The following RAB3B variants were observed in gnomAD, a reference collection of about 807,000 sequenced individuals.
RAB3B encodes ras-related protein Rab-3B.
RAB3B carries 11 observed loss-of-function variants against 20.5 expected under a neutral mutation model. The ratio of observed to expected loss-of-function variants is 0.54; its 90% CI spans 0.34 to 0.89. The LOEUF is 0.89. Ranked by LOEUF, RAB3B falls within the 40% of genes least tolerant of loss-of-function variation. The pLI is 0.02. For synonymous variants in RAB3B, 99 were observed against 106.3 expected (o/e 0.93, Z 0.42); for missense variants, 225 against 280.9 (o/e 0.80, Z 1.42).
chr1:51,937,274 A>G lies in RAB3B; in HGVS notation c.347+20T>C. On this transcript the variant is annotated intron_variant, in intron 3 of 4. Transcript: ENST00000371655. ...TAATGAACAGTTTGTTAAATGAATG[A>G]ATGAATATGGGTCTCATACCAGTCT... The G allele has an allele frequency of 3.3e-6, 5 of 1,537,682 alleles. No homozygotes were observed. The highest frequency in any genetic ancestry group is 4.5e-6 in the Non-Finnish European group (5 of 1,113,070).
intron 2 of RAB3B, among the ~76,000 whole-genome samples, chr1:51,963,295 G>A (rs1456454614): frequency 6.6e-6 from 1 of 152,030 alleles, no homozygotes; most frequent in Non-Finnish European, 1.5e-5. Flanking sequence ...CCTTTTCACT[G>A]TCCTTCATCC....
rs188938165 is a variant in RAB3B at position 51,959,870 on chromosome 1, T to C, written c.228+17020A>G. On this transcript the variant is annotated intron_variant, in intron 2 of 4. Coordinates refer to ENST00000371655, the MANE Select transcript of RAB3B (RefSeq NM_002867.4). ...TACTATCTTTGCAATTCTGTAAATC[T>C]GAAACTGTTCTAAAAAATAAAGGTT... is the stretch of plus-strand genomic sequence containing the variant. Among the ~76,000 whole-genome samples, 4 of 152,342 alleles carry C rather than the reference T, an allele frequency of 2.6e-5. No homozygotes were observed. The East Asian group carries it at 5.8e-4, about 22-fold the overall frequency.
chr1:51,937,110 G>A (rs1419927473), intron 3 of RAB3B, among the ~76,000 whole-genome samples, 184 bp downstream of exon 3: 1 of 151,910 alleles, frequency 6.6e-6, no homozygotes, highest in Non-Finnish European at 1.5e-5. Flanking sequence ...CACTGCACCC[G>A]GCCTATCACA....
chr1:51,979,633 G>A (rs1303189413), intron 1 of RAB3B, among the ~76,000 whole-genome samples: 5 of 151,992 alleles, frequency 3.3e-5, no homozygotes, highest in East Asian at 1.9e-4. Context: ...ACCATCCTCC[G>A]CTCTGCTGCC....
intron 2 of RAB3B, among the ~76,000 whole-genome samples, chr1:51,967,996 T>C (rs1684879693): frequency 6.6e-6 from 1 of 152,222 alleles, no homozygotes; most frequent in South Asian, 2.1e-4. Context: ...GGGCCCATTA[T>C]AATCACAAGT....
chr1:51,934,740 C>T (rs1343349730), intron 3 of RAB3B, among the ~76,000 whole-genome samples: 1 of 123,730 alleles, frequency 8.1e-6, no homozygotes, highest in African/African-American at 3.1e-5. Flanking sequence ...CGCATCACTA[C>T]ACTCCAGCCT....
chr1:51,909,067 G>C lies in RAB3B; in HGVS notation c.*10860C>G, dbSNP rs564567450. ...TCTGTTCATCCAGGCCCAGCATGTA[G>C]TGGCTGATTCTTCTTGGCTGCTTTT... On this transcript the variant is annotated 3_prime_UTR_variant, in exon 5 of 5. Transcript: ENST00000371655. 5 of 152,492 alleles carry C rather than the reference G, an allele frequency of 3.3e-5. No individual in the cohort carries two copies. Among genetic ancestry groups the C allele is most frequent in the African/African-American group, 9.6e-5 (4 of 41,584 alleles). The allele number at this position is 152,492 out of a possible 1,614,324, so 9.4% of individuals were successfully genotyped here. A position where few individuals can be genotyped will look rare whatever the true frequency, so the allele number is the denominator to read the frequency against.
intron 4 of RAB3B, among the ~76,000 whole-genome samples, chr1:51,921,866 C>T (rs936443617): frequency 6.6e-6 from 1 of 152,188 alleles, no homozygotes; most frequent in Non-Finnish European, 1.5e-5. Flanking sequence ...GATCTCTTTC[C>T]CCCCTCCCTC....
chr1:51,956,324 A>G (rs1684706203), intron 2 of RAB3B, among the ~76,000 whole-genome samples: 1 of 152,224 alleles, frequency 6.6e-6, no homozygotes, highest in Non-Finnish European at 1.5e-5. Context: ...GCACTGTGAC[A>G]AGCACTTTTC....
intron 2 of RAB3B, among the ~76,000 whole-genome samples, chr1:51,974,055 A>G (rs1429440115): frequency 6.6e-6 from 1 of 152,210 alleles, no homozygotes; most frequent in African/African-American, 2.4e-5. Flanking sequence ...TTTGCTGTGG[A>G]AGATCTCTTT....
intron 4 of RAB3B, among the ~76,000 whole-genome samples, chr1:51,921,061 C>T (rs1285083487): frequency 6.6e-6 from 1 of 152,198 alleles, no homozygotes; most frequent in Non-Finnish European, 1.5e-5. Flanking sequence ...CCAAGAGACA[C>T]AGCAAAGGCC....
chr1:51,958,675 A>G (rs1684744144), intron 2 of RAB3B, among the ~76,000 whole-genome samples: 1 of 151,474 alleles, frequency 6.6e-6, no homozygotes. Context: ...GTGAGCCGAG[A>G]TTGCGCCATT....
intron 2 of RAB3B, among the ~76,000 whole-genome samples, chr1:51,950,220 C>T (rs891850466): frequency 6.6e-6 from 1 of 152,210 alleles, no homozygotes; most frequent in Admixed American, 6.5e-5. Flanking sequence ...CATCCAGAAC[C>T]AGCAGCAGTC....
chr1:51,919,796 G>T lies in RAB3B; in HGVS notation c.*131C>A. Reference sequence around the variant, plus strand: ...CCCCAGGGGCAGGCAAAGAATAGCAGCAACTCATCTTGCTCTGAGTGTGGG... The same window carrying T: ...CCCCAGGGGCAGGCAAAGAATAGCATCAACTCATCTTGCTCTGAGTGTGGG... On this transcript the variant is annotated 3_prime_UTR_variant, in exon 5 of 5. Transcript: ENST00000371655. The T allele has an allele frequency of 1.1e-6, 1 of 922,446 alleles. No homozygotes were observed. The allele number at this position is 922,446 out of a possible 1,614,324, so 57.1% of individuals were successfully genotyped here. A position where few individuals can be genotyped will look rare whatever the true frequency, so the allele number is the denominator to read the frequency against.
At chr1:51,961,389 G>A (rs1480260809) in intron 2 of RAB3B, among the ~76,000 whole-genome samples, 3 of 152,110 alleles carry the variant, frequency 2.0e-5, no homozygotes, top group Non-Finnish European at 2.9e-5. Context: ...TAGCTGTGAC[G>A]TTGACTCTCA....
intron 2 of RAB3B, among the ~76,000 whole-genome samples, chr1:51,943,836 G>T (rs973294909): frequency 4.6e-5 from 7 of 152,216 alleles, no homozygotes; most frequent in African/African-American, 1.7e-4. Context: ...GCGGAGGTTG[G>T]TTCATGAAGT....
At chr1:51,939,872 A>G (rs1249024505) in intron 2 of RAB3B, among the ~76,000 whole-genome samples, 1 of 152,240 alleles carries the variant, frequency 6.6e-6, no homozygotes, top group Non-Finnish European at 1.5e-5. Context: ...TGTAAAGCCC[A>G]GCCAAATCCA....
chr1:51,927,000 T>C (rs1176558482), intron 4 of RAB3B, among the ~76,000 whole-genome samples: 7 of 152,210 alleles, frequency 4.6e-5, no homozygotes, highest in Non-Finnish European at 8.8e-5. Context: ...CAGCCTTCTG[T>C]GCTAGAAGTG....
chr1:51,974,854 C>T (rs1401728706), intron 2 of RAB3B, among the ~76,000 whole-genome samples: 1 of 152,154 alleles, frequency 6.6e-6, no homozygotes, highest in Admixed American at 6.5e-5. Flanking sequence ...ATACAGACTG[C>T]CCCAATAAGA....
Sources: gnomAD v4.1 joint callset for allele counts (sites outside exome capture counted in the v4.1 genomes callset) on GRCh38, gnomAD v4.1.1 for gene constraint, MANE v1.5 for transcripts, NCBI Gene and HGNC (gene_info 2026-07-23, HGNC 2026-07-21) for gene names.